The following AKAP6 variants were observed in gnomAD, a reference collection of about 807,000 sequenced individuals.
AKAP6 encodes the protein A-kinase anchor protein 6.
Under a neutral mutation model 188.5 loss-of-function variants are expected in AKAP6, and 58 were observed. That is an observed-to-expected ratio of 0.31 (90% CI 0.25 to 0.38). The LOEUF (loss-of-function observed/expected upper bound fraction) is 0.38. Ranked by LOEUF, AKAP6 falls within the 10% of genes least tolerant of loss-of-function variation. AKAP6 has a pLI of 1.00. For synonymous variants in AKAP6, 989 were observed against 998.6 expected (o/e 0.99, Z 0.18); for missense variants, 2,710 against 2,740.0 (o/e 0.99, Z 0.24).
intron 5 of AKAP6, among the ~76,000 whole-genome samples, chr14:32,584,301 T>C (rs921444818): frequency 1.3e-5 from 2 of 152,174 alleles, no homozygotes; most frequent in African/African-American, 4.8e-5. Context: ...ATATACAGCA[T>C]AGAGATGCTG....
At chr14:32,677,511 C>T (rs1356375011) in intron 7 of AKAP6, among the ~76,000 whole-genome samples, 4 of 152,214 alleles carry the variant, frequency 2.6e-5, no homozygotes, top group African/African-American at 7.2e-5. Flanking sequence ...GCTCCTTTCC[C>T]TTTACTATGG....
rs1334923209 is a variant in AKAP6 at position 32,822,573 on chromosome 14, G to T, written c.4760G>T (p.Ser1587Ile). ...GGATTGGGCATCTTTAAAAATGGCA[G>T]TGACAGCCTCCAGCGAAGCACTTCT... Reference protein sequence around the residue: ...LFGLGIFKNGSDSLQRSTSLE... With the variant: ...LFGLGIFKNGIDSLQRSTSLE... The change falls in exon 13 of 14, where the codon AGT becomes ATT. Residue 1587 changes from serine (S) to isoleucine (I), a missense_variant. By Grantham distance (142) the Ser-to-Ile change is moderately radical (BLOSUM62 -2). This residue lies in a region of AKAP6 where 2,473 missense variants were observed against 2,426.1 expected (regional missense o/e 1.02). Coordinates refer to ENST00000280979, the MANE Select transcript of AKAP6 (RefSeq NM_004274.5). 1 of 1,614,008 alleles carries T rather than the reference G, an allele frequency of 6.2e-7. No homozygotes were observed. The highest frequency in any genetic ancestry group is 8.5e-7 in the Non-Finnish European group (1 of 1,179,960).
intron 1 of AKAP6, among the ~76,000 whole-genome samples, chr14:32,424,566 ATTGGGGT>A (rs921468563): frequency 2.0e-5 from 3 of 152,234 alleles, no homozygotes; most frequent in Admixed American, 6.5e-5. Flanking sequence ...AATTTGTGTC[ATTGGGGT>A]TTGTTGTACA....
chr14:32,681,950 G>T (rs1889695767), intron 8 of AKAP6, among the ~76,000 whole-genome samples: 2 of 152,186 alleles, frequency 1.3e-5, no homozygotes, highest in African/African-American at 4.8e-5. Context: ...GAAGTGCAGA[G>T]ATTAAAATGG....
At chr14:32,470,520 G>A (rs530364640) in intron 2 of AKAP6, among the ~76,000 whole-genome samples, 6 of 152,300 alleles carry the variant, frequency 3.9e-5, no homozygotes, top group African/African-American at 1.4e-4. Flanking sequence ...GAACAAAGAA[G>A]GCACAGTCCT....
chr14:32,738,065 A>G (rs2300834), intron 11 of AKAP6, among the ~76,000 whole-genome samples: 23,766 of 152,066 alleles, frequency 0.16, 1,936 homozygotes, highest in Middle Eastern at 0.22. Flanking sequence ...GTGTGGTCCT[A>G]AGAGCTCTGG....
At chr14:32,357,146 T>C (rs1887510651) in intron 1 of AKAP6, among the ~76,000 whole-genome samples, 2 of 152,192 alleles carry the variant, frequency 1.3e-5, no homozygotes, top group South Asian at 4.1e-4. Flanking sequence ...TTGACATATT[T>C]AGTGTTACAA....
intron 4 of AKAP6, among the ~76,000 whole-genome samples, chr14:32,575,975 T>C (rs1884698340): frequency 6.6e-6 from 1 of 152,112 alleles, no homozygotes; most frequent in African/African-American, 2.4e-5. Context: ...ACAATTCCAT[T>C]TTCTCTTTTT....
chr14:32,746,787 C>G (rs1022497012), intron 11 of AKAP6, among the ~76,000 whole-genome samples: 2 of 152,140 alleles, frequency 1.3e-5, no homozygotes, highest in African/African-American at 4.8e-5. Context: ...TCAAAAGTCC[C>G]TAGGTCAAAG....
rs146967865 is a variant in AKAP6 at position 32,822,819 on chromosome 14, C to T, written c.5006C>T (p.Thr1669Ile). 6.2e-7 allele frequency: 1 copy of T among 1,613,870 alleles called. No homozygotes were observed. ...AGCAGTTCCCAAAAGATGTCCTTTA[C>T]TGGCCAGATGTCATTGGACATAGCA... ...LQSSSQKMSF[T>I]GQMSLDIASS... Residue 1669 changes from threonine to isoleucine, a missense_variant, in exon 13 of 14, where the codon ACT (threonine) becomes ATT (isoleucine). This residue lies in a region of AKAP6 where 2,473 missense variants were observed against 2,426.1 expected (regional missense o/e 1.02). Coordinates refer to ENST00000280979, the MANE Select transcript of AKAP6 (RefSeq NM_004274.5).
intron 5 of AKAP6, among the ~76,000 whole-genome samples, chr14:32,598,971 C>T (rs939163516): frequency 6.6e-6 from 1 of 152,026 alleles, no homozygotes; most frequent in African/African-American, 2.4e-5. Context: ...TGAATCAAAC[C>T]CTACTATATT....
chr14:32,642,947 A>G (rs1887822235), intron 7 of AKAP6, among the ~76,000 whole-genome samples: 1 of 152,186 alleles, frequency 6.6e-6, no homozygotes, highest in Non-Finnish European at 1.5e-5. Context: ...TGGCAATACA[A>G]TTAGAGTTTC....
At chr14:32,423,280 C>T (rs984312834) in intron 1 of AKAP6, among the ~76,000 whole-genome samples, 2 of 152,124 alleles carry the variant, frequency 1.3e-5, no homozygotes, top group African/African-American at 2.4e-5. Context: ...GATGATCCTC[C>T]CACCTCAGCC....
At chr14:32,366,613 A>G (rs1259754237) in intron 1 of AKAP6, among the ~76,000 whole-genome samples, 2 of 152,168 alleles carry the variant, frequency 1.3e-5, no homozygotes, top group African/African-American at 2.4e-5. Flanking sequence ...CTGGCATTGC[A>G]TATTTTATCT....
At chr14:32,518,775 G>T (rs1002435527) in intron 2 of AKAP6, among the ~76,000 whole-genome samples, 2 of 152,178 alleles carry the variant, frequency 1.3e-5, no homozygotes, top group African/African-American at 4.8e-5. Flanking sequence ...CACTATTCAG[G>T]ATATTATCCA....
chr14:32,406,443 C>T (rs922557917), intron 1 of AKAP6, among the ~76,000 whole-genome samples: 25 of 152,074 alleles, frequency 1.6e-4, no homozygotes, highest in African/African-American at 5.3e-4. Context: ...CTCCTGACCT[C>T]GTGATCTGCC....
chr14:32,528,654 G>T (rs893631290), intron 2 of AKAP6, among the ~76,000 whole-genome samples: 6 of 151,810 alleles, frequency 4.0e-5, no homozygotes, highest in Non-Finnish European at 7.4e-5. Context: ...GGATATTCTG[G>T]GTCTTTTGCC....
chr14:32,822,767 C>T lies in AKAP6; in HGVS notation c.4954C>T (p.Arg1652Ter). The T allele has an allele frequency of 3.7e-6, 6 of 1,613,882 alleles. No individual in the cohort carries two copies. Among genetic ancestry groups the T allele is most frequent in the Non-Finnish European group, 5.1e-6 (6 of 1,179,904 alleles). ...IQSPSEQKIK[R>*]SVSDITLQSS... Reference sequence around the variant, plus strand: ...GAGCCCCTCAGAGCAAAAGATAAAACGAAGTGTTTCTGATATCACTCTTCA... The same window carrying T: ...GAGCCCCTCAGAGCAAAAGATAAAATGAAGTGTTTCTGATATCACTCTTCA... The change falls in exon 13 of 14, where the codon CGA (arginine) becomes TGA (stop). Residue 1652 changes from arginine (R) to a stop codon, truncating the protein, a stop_gained. Coordinates refer to ENST00000280979, the MANE Select transcript of AKAP6 (RefSeq NM_004274.5). LOFTEE classifies it high-confidence loss of function.
rs115210981 is a variant in AKAP6 at position 32,425,834 on chromosome 14, A to T, written c.-34-7626A>T. On this transcript the variant is annotated intron_variant, in intron 1 of 13. Coordinates refer to ENST00000280979, the MANE Select transcript of AKAP6 (RefSeq NM_004274.5). ...CTGTTAATAGTTTCTTTTGCTGTGC[A>T]GATGTTGTTCAGTTTAATTGGATCC... 4.1e-4 allele frequency among the ~76,000 whole-genome samples: 63 copies of T among 152,286 alleles called. 1 individual carries two copies. The highest frequency in any genetic ancestry group is 1.5e-3 in the African/African-American group (63 of 41,564).
Sources: gnomAD v4.1 joint callset for allele counts (sites outside exome capture counted in the v4.1 genomes callset) on GRCh38, gnomAD v4.1.1 for gene constraint, gnomAD v4.1.1 regional missense constraint, MANE v1.5 for transcripts, NCBI Gene and HGNC (gene_info 2026-07-23, HGNC 2026-07-21) for gene names.